The following CBLB variants were observed in gnomAD, a reference collection of about 807,000 sequenced individuals.
CBLB encodes Cbl proto-oncogene B.
CBLB carries 31 observed loss-of-function variants against 104.9 expected under a neutral mutation model. That is an observed-to-expected ratio of 0.30 (90% confidence interval 0.22 to 0.40). The LOEUF (loss-of-function observed/expected upper bound fraction) is 0.40, where lower values mean the gene tolerates loss of function less well. Ranked by LOEUF, CBLB falls within the 10% of genes least tolerant of loss-of-function variation. CBLB has a pLI of 1.00. For missense variants in CBLB, 1,062 were observed against 1,214.6 expected (o/e 0.87, Z 1.87); for synonymous variants, 440 against 422.6 (o/e 1.04, Z -0.51).
chr3:105,770,391 T>C (rs1225374618), intron 4 of CBLB, among the ~76,000 whole-genome samples: 1 of 152,064 alleles, frequency 6.6e-6, no homozygotes, highest in East Asian at 1.9e-4. Context: ...TTCCAATAGC[T>C]GGAACAGATT....
intron 2 of CBLB, among the ~76,000 whole-genome samples, chr3:105,867,148 C>T (rs2092470661): frequency 6.6e-6 from 1 of 152,122 alleles, no homozygotes; most frequent in Admixed American, 6.5e-5. Flanking sequence ...CAACAAAAAG[C>T]AGCCAATGGT....
At chr3:105,737,980 G>T (rs2075135496) in intron 7 of CBLB, among the ~76,000 whole-genome samples, 1 of 152,164 alleles carries the variant, frequency 6.6e-6, no homozygotes, top group Admixed American at 6.5e-5. Flanking sequence ...CATTCTTGCT[G>T]TGTTAAATCA....
chr3:105,739,524 A>C (rs1038038520), intron 7 of CBLB, among the ~76,000 whole-genome samples: 2 of 152,180 alleles, frequency 1.3e-5, no homozygotes, highest in Non-Finnish European at 2.9e-5. Flanking sequence ...GAAGAATCAG[A>C]CATATTTACT....
intron 4 of CBLB, among the ~76,000 whole-genome samples, chr3:105,763,060 G>A (rs539727316): frequency 1.3e-4 from 20 of 152,280 alleles, no homozygotes; most frequent in African/African-American, 3.8e-4. Context: ...TGACTGGCCC[G>A]CTGGATTTCG....
chr3:105,865,980 T>A (rs1438377803), intron 2 of CBLB, among the ~76,000 whole-genome samples: 1 of 152,236 alleles, frequency 6.6e-6, no homozygotes, highest in Non-Finnish European at 1.5e-5. Context: ...ATTTTTCCAA[T>A]TGAATAGTCC....
At chr3:105,784,377 T>C (rs2080704722) in intron 3 of CBLB, among the ~76,000 whole-genome samples, 1 of 152,230 alleles carries the variant, frequency 6.6e-6, no homozygotes, top group Non-Finnish European at 1.5e-5. Flanking sequence ...TTTTCTTTGA[T>C]TATTTTTCAA....
Position 105,702,313 on chromosome 3 carries a change from G to A in CBLB, c.1740C>T (p.Ser580=), listed in dbSNP as rs749106034. 1.5e-5 allele frequency: 24 copies of A among 1,613,686 alleles called. No individual in the cohort carries two copies. Among genetic ancestry groups the A allele is most frequent in the South Asian group, 1.3e-4 (12 of 91,064 alleles). The part of the protein sequence containing the change: ...RLSRHIHHVE[S]VPSRDPPMPL... ...GCATTGGCGGGTCTCTGGAAGGCAC[G>A]CTTTCCACATGATGGATGTGTCTAC... The change falls in exon 12 of 19, where the codon AGC becomes AGT. Residue 580 remains serine (S), a synonymous_variant. Coordinates refer to ENST00000394030, the MANE Select transcript of CBLB (RefSeq NM_170662.5).
chr3:105,841,060 G>A (rs1037328040), intron 3 of CBLB, among the ~76,000 whole-genome samples: 5 of 152,054 alleles, frequency 3.3e-5, no homozygotes, highest in Admixed American at 3.3e-4. Flanking sequence ...TTGGGAGGCC[G>A]AGGTGGGCAG....
chr3:105,663,378 G>C (rs1323022826), intron 18 of CBLB, among the ~76,000 whole-genome samples: 1 of 152,180 alleles, frequency 6.6e-6, no homozygotes, highest in Non-Finnish European at 1.5e-5. Flanking sequence ...TGGGTAGAAA[G>C]AGCAGGGATG....
At chr3:105,818,066 A>C (rs1463649413) in intron 3 of CBLB, among the ~76,000 whole-genome samples, 2 of 152,206 alleles carry the variant, frequency 1.3e-5, no homozygotes, top group African/African-American at 4.8e-5. Flanking sequence ...TCCTTTAAAT[A>C]TGTCACAATA....
rs140016764 is a variant in CBLB, at chr3:105,809,521, T to C, written c.420-32979A>G. On this transcript the variant is annotated intron_variant, in intron 3 of 18. Coordinates refer to ENST00000394030, the MANE Select transcript of CBLB (RefSeq NM_170662.5). ...ACTTATTTTTTAAACATACATACAGTCTACCAAGAATCACAAGCAAAACAA... is the reference window on the plus strand; with the variant it reads ...ACTTATTTTTTAAACATACATACAGCCTACCAAGAATCACAAGCAAAACAA... 5.2e-3 allele frequency among the ~76,000 whole-genome samples: 788 copies of C among 152,194 alleles called. 8 individuals carry two copies. The highest frequency in any genetic ancestry group is 0.018 in the African/African-American group (743 of 41,552).
upstream of CBLB, chr3:105,869,177 G>A (rs1706746110): frequency 1.7e-6 from 1 of 598,248 alleles, no homozygotes; most frequent in South Asian, 1.6e-5. Context: ...CCCCGTCCAC[G>A]TCCTCCACAG....
intron 3 of CBLB, among the ~76,000 whole-genome samples, chr3:105,816,131 A>C (rs1417085419): frequency 6.6e-6 from 1 of 152,088 alleles, no homozygotes; most frequent in Non-Finnish European, 1.5e-5. Flanking sequence ...GCAGTTAACC[A>C]TCATGGCACA....
At chr3:105,675,795 G>T (rs1415877646) in intron 17 of CBLB, among the ~76,000 whole-genome samples, 1 of 145,062 alleles carries the variant, frequency 6.9e-6, no homozygotes, top group Non-Finnish European at 1.5e-5. Flanking sequence ...AGAGGCAGGA[G>T]AATCACTTGA....
chr3:105,867,267 A>G (rs554677322), intron 2 of CBLB, 143 bp downstream of exon 2: 120 of 901,834 alleles, frequency 1.3e-4, no homozygotes, highest in Admixed American at 1.9e-4. Context: ...CAAAAAACAC[A>G]GAGTTGAAGA....
chr3:105,668,144 G>C (rs1232576535), intron 18 of CBLB, among the ~76,000 whole-genome samples: 1 of 152,190 alleles, frequency 6.6e-6, no homozygotes, highest in East Asian at 1.9e-4. Flanking sequence ...GTTACAGCTA[G>C]CTGGGCCCTC....
chr3:105,771,831 G>A (rs2078905554), intron 4 of CBLB, among the ~76,000 whole-genome samples: 1 of 152,094 alleles, frequency 6.6e-6, no homozygotes, highest in Admixed American at 6.5e-5. Context: ...TTTAACCAAG[G>A]AGGTGAAAGA....
At chr3:105,853,009 G>T (rs1208589286) in intron 3 of CBLB, among the ~76,000 whole-genome samples, 1 of 152,092 alleles carries the variant, frequency 6.6e-6, no homozygotes, top group African/African-American at 2.4e-5. Flanking sequence ...GACCCACCAC[G>T]CCCGGCCTTT....
intron 17 of CBLB, among the ~76,000 whole-genome samples, chr3:105,674,725 G>A (rs893847370): frequency 6.6e-6 from 1 of 152,300 alleles, no homozygotes; most frequent in East Asian, 1.9e-4. Flanking sequence ...TGGTAGCCTT[G>A]GGATTGGAGA....
Sources: allele counts gnomAD v4.1 joint callset (sites outside exome capture counted in the v4.1 genomes callset), GRCh38; gene constraint gnomAD v4.1.1; transcripts MANE v1.5; gene names NCBI Gene and HGNC (gene_info 2026-07-23, HGNC 2026-07-21).